The following SH3GL2 variants were observed in gnomAD, a reference collection of about 807,000 sequenced individuals.
SH3GL2 encodes SH3 domain containing GRB2 like 2, endophilin A1.
SH3GL2 carries 24 observed loss-of-function variants against 46.0 expected under a neutral mutation model. The observed-to-expected ratio is 0.52, with a 90% confidence interval of 0.38 to 0.73. The LOEUF is 0.73. Ranked by LOEUF, SH3GL2 falls within the 30% of genes least tolerant of loss-of-function variation. SH3GL2 has a pLI of 0.00. For synonymous variants in SH3GL2, 196 were observed against 147.1 expected, an observed-to-expected ratio of 1.33 and a Z score of -2.40; for missense variants, 413 against 424.2, an observed-to-expected ratio of 0.97 and a Z score of 0.23.
intron 1 of SH3GL2, among the ~76,000 whole-genome samples, chr9:17,636,661 T>A (rs554302096): frequency 1.3e-5 from 2 of 152,336 alleles, no homozygotes; most frequent in South Asian, 2.1e-4. Context: ...TTAATAACCC[T>A]CATCACCCTT....
At chr9:17,745,672 A>G (rs1394413165) in intron 1 of SH3GL2, among the ~76,000 whole-genome samples, 1 of 151,926 alleles carries the variant, frequency 6.6e-6, no homozygotes, top group Admixed American at 6.6e-5. Flanking sequence ...TAGAGGGGGT[A>G]AGCAACACAG....
intron 1 of SH3GL2, among the ~76,000 whole-genome samples, chr9:17,613,322 G>C (rs985390793): frequency 6.6e-6 from 1 of 152,318 alleles, no homozygotes; most frequent in Admixed American, 6.5e-5. Flanking sequence ...TCTGTAAAAA[G>C]CAGTGGTATG....
intron 4 of SH3GL2, 110 bp from the exon 5 acceptor site, chr9:17,787,270 C>T: frequency 3.6e-6 from 3 of 833,982 alleles, no homozygotes; most frequent in Admixed American, 2.2e-5. Flanking sequence ...TGTCTGTTGT[C>T]TTTAGAAGAC....
intron 1 of SH3GL2, among the ~76,000 whole-genome samples, chr9:17,616,288 C>T (rs916019626): frequency 2.6e-5 from 4 of 152,156 alleles, no homozygotes; most frequent in African/African-American, 9.7e-5. Context: ...TTGTGATACA[C>T]ACAGTGAGTC....
At chr9:17,681,827 G>T (rs942563883) in intron 1 of SH3GL2, among the ~76,000 whole-genome samples, 1 of 151,814 alleles carries the variant, frequency 6.6e-6, no homozygotes, top group African/African-American at 2.4e-5. Context: ...ATAATATCCA[G>T]AATTTACAAG....
chr9:17,599,936 C>T (rs754165853), intron 1 of SH3GL2, among the ~76,000 whole-genome samples: 36 of 149,462 alleles, frequency 2.4e-4, no homozygotes, highest in Non-Finnish European at 5.0e-4. Context: ...CTAAGACTGC[C>T]TATCTTTTTT....
At chr9:17,654,580 T>A (rs1323038460) in intron 1 of SH3GL2, among the ~76,000 whole-genome samples, 1 of 152,208 alleles carries the variant, frequency 6.6e-6, no homozygotes, top group Non-Finnish European at 1.5e-5. Flanking sequence ...GAATAGAATT[T>A]AAAGATGAAA....
rs571484441 is a variant in SH3GL2 at position 17,636,148 on chromosome 9, A to G, written c.45+56861A>G. 3.9e-5 allele frequency among the ~76,000 whole-genome samples: 6 copies of G among 152,318 alleles called. No individual in the cohort carries two copies. In the South Asian group the frequency reaches 1.2e-3, roughly 32 times the overall value. On this transcript the variant is annotated intron_variant, in intron 1 of 8. Transcript: ENST00000380607. Reference sequence around the variant, plus strand: ...GCAGGTGCTTATGTATGGAATATTAATGATGGAGTTTAAAAAGAGTTACTT... The same window carrying G: ...GCAGGTGCTTATGTATGGAATATTAGTGATGGAGTTTAAAAAGAGTTACTT...
chr9:17,742,308 G>A (rs1563835361), intron 1 of SH3GL2, among the ~76,000 whole-genome samples: 1 of 152,136 alleles, frequency 6.6e-6, no homozygotes, highest in Non-Finnish European at 1.5e-5. Context: ...GGGAGGATGA[G>A]TCATTATTGG....
intron 1 of SH3GL2, among the ~76,000 whole-genome samples, chr9:17,644,639 G>C (rs1353048227): frequency 2.0e-5 from 3 of 152,196 alleles, no homozygotes; most frequent in Non-Finnish European, 4.4e-5. Context: ...GGTTTTGAGT[G>C]AGTTTCTTCA....
intron 2 of SH3GL2, among the ~76,000 whole-genome samples, chr9:17,748,464 C>T (rs944809802): frequency 7.9e-5 from 12 of 152,094 alleles, no homozygotes; most frequent in African/African-American, 2.9e-4. Context: ...TTTTAGTCTA[C>T]ATCAGATCCA....
chr9:17,774,373 G>T (rs1823579955), intron 3 of SH3GL2, among the ~76,000 whole-genome samples: 2 of 152,184 alleles, frequency 1.3e-5, no homozygotes, highest in Middle Eastern at 6.8e-3. Context: ...ACTGATCTTA[G>T]AGTAAAAGCT....
At chr9:17,662,218 C>CA (rs1261981924) in intron 1 of SH3GL2, among the ~76,000 whole-genome samples, 1 of 152,124 alleles carries the variant, frequency 6.6e-6, no homozygotes, top group African/African-American at 2.4e-5. Context: ...ATAGTTCTAT[C>CA]AGTTGCTGAG....
At chr9:17,719,012 T>A (rs558021043) in intron 1 of SH3GL2, among the ~76,000 whole-genome samples, 1 of 152,210 alleles carries the variant, frequency 6.6e-6, no homozygotes, top group Non-Finnish European at 1.5e-5. Flanking sequence ...TAAAGATGAG[T>A]TAAAATGGTT....
At chr9:17,746,796 T>C (rs963073919) in intron 1 of SH3GL2, among the ~76,000 whole-genome samples, 6 of 152,196 alleles carry the variant, frequency 3.9e-5, no homozygotes, top group Non-Finnish European at 7.3e-5. Flanking sequence ...AGTTATATAA[T>C]GATTTGTTTG....
chr9:17,781,680 A>T (rs1478475278), intron 3 of SH3GL2, among the ~76,000 whole-genome samples: 2 of 152,142 alleles, frequency 1.3e-5, no homozygotes, highest in African/African-American at 4.8e-5. Context: ...TACCAGCAGT[A>T]TTTGAGAGTT....
rs187232192 is a variant in SH3GL2 at position 17,674,027 on chromosome 9, G to T, written c.46-73039G>T. The stretch of plus-strand genomic sequence containing the variant: ...TTTCTCTTTGTTTCCCTCTTTCCTT[G>T]TGTGGCTCTTGAAATCATTATGAAT... On this transcript the variant is annotated intron_variant, in intron 1 of 8. Coordinates refer to ENST00000380607, the MANE Select transcript of SH3GL2 (RefSeq NM_003026.5). Among the ~76,000 whole-genome samples, 46 of 152,194 alleles carry T rather than the reference G, an allele frequency of 3.0e-4. 1 individual carries two copies. The highest frequency in any genetic ancestry group is 1.1e-3 in the African/African-American group (45 of 41,518).
intron 1 of SH3GL2, 107 bp from the exon 2 acceptor site, chr9:17,746,958 TG>T: frequency 4.2e-6 from 3 of 706,990 alleles, no homozygotes; most frequent in Non-Finnish European, 7.1e-6. Context: ...AGTCAGGGAA[TG>T]GTTGTGAGAT....
At position 17,786,295 on chromosome 9, in the gene SH3GL2, T is replaced by G. The variant is rs1588335586; in HGVS notation, c.188-86T>G. 8 of 1,272,246 alleles carry G rather than the reference T, an allele frequency of 6.3e-6. No homozygotes were observed. The Middle Eastern group carries it at 6.1e-4, about 97-fold the overall frequency. The allele number at this position is 1,272,246 out of a possible 1,614,324, so 78.8% of individuals were successfully genotyped here. ...TCAGTAGCTGAGCTACTTTGTAGGC[T>G]GCTCTGAGACCTGATCCTCCATCCA... On this transcript the variant is annotated intron_variant, in intron 3 of 8. Coordinates refer to ENST00000380607, the MANE Select transcript of SH3GL2 (RefSeq NM_003026.5).
Sources: allele counts gnomAD v4.1 joint callset (sites outside exome capture counted in the v4.1 genomes callset), GRCh38; gene constraint gnomAD v4.1.1; transcripts MANE v1.5; gene names NCBI Gene and HGNC (gene_info 2026-07-23, HGNC 2026-07-21).